Variants in CNTN3 observed in about 807,000 individuals in gnomAD.
CNTN3 encodes the protein contactin-3.
In CNTN3, 60 loss-of-function variants were observed where a neutral mutation model predicts 119.1. That is an observed-to-expected ratio of 0.50 (90% CI 0.41 to 0.62). The LOEUF (loss-of-function observed/expected upper bound fraction) is 0.62. Ranked by LOEUF, CNTN3 falls within the 20% of genes least tolerant of loss-of-function variation. The pLI is 0.00. For missense variants in CNTN3, 1,101 were observed against 1,242.4 expected, an observed-to-expected ratio of 0.89 and a Z score of 1.71; for synonymous variants, 450 against 438.7, an observed-to-expected ratio of 1.03 and a Z score of -0.32.
At chr3:74,320,747 T>G (rs1702967516) in intron 13 of CNTN3, among the ~76,000 whole-genome samples, 1 of 152,180 alleles carries the variant, frequency 6.6e-6, no homozygotes, top group Non-Finnish European at 1.5e-5. Context: ...TTAGAACTCA[T>G]GGTTAGAACT....
intron 1 of CNTN3, among the ~76,000 whole-genome samples, chr3:74,605,620 C>CCTCA (rs1308786336): frequency 1.3e-5 from 2 of 152,094 alleles, no homozygotes; most frequent in African/African-American, 2.4e-5. Flanking sequence ...GGACTGATGG[C>CCTCA]CTCACTCACA....
chr3:74,378,703 G>A (rs1419652236), intron 5 of CNTN3, among the ~76,000 whole-genome samples: 1 of 152,190 alleles, frequency 6.6e-6, no homozygotes, highest in African/African-American at 2.4e-5. Context: ...ATGTAAAAGA[G>A]ACTGCATGGT....
rs574230367 is a variant in CNTN3, at chr3:74,312,767, C to T, written c.1669-9960G>A. Among the ~76,000 whole-genome samples the T allele has an allele frequency of 2.0e-5, 3 of 152,174 alleles. No homozygotes were observed. In the South Asian group the frequency reaches 6.2e-4, roughly 32 times the overall value. ...CTTTTACCCAGTATATCACATCTGC[C>T]TTTCAACAAAAAATTACAAGGCATA... On this transcript the variant is annotated intron_variant, in intron 13 of 22. Coordinates refer to ENST00000263665, the MANE Select transcript of CNTN3 (RefSeq NM_020872.3).
intron 1 of CNTN3, among the ~76,000 whole-genome samples, chr3:74,569,204 A>G (rs1704273142): frequency 6.6e-6 from 1 of 152,140 alleles, no homozygotes; most frequent in Non-Finnish European, 1.5e-5. Flanking sequence ...GACTTCTTGT[A>G]CAGGCCTGCC....
At chr3:74,448,320 G>C (rs903516143) in intron 4 of CNTN3, among the ~76,000 whole-genome samples, 2 of 152,072 alleles carry the variant, frequency 1.3e-5, no homozygotes, top group African/African-American at 4.8e-5. Context: ...GACACTAGGG[G>C]CTTTATCTCA....
At position 74,336,662 on chromosome 3, in the gene CNTN3, A is replaced by C; in HGVS notation, c.1365-4T>G. ...TCCATCGTTTAACAAAGAAATTCTAAAGCAAAGACAAATAAGATAAATAAA... is the reference window on the plus strand; with the variant it reads ...TCCATCGTTTAACAAAGAAATTCTACAGCAAAGACAAATAAGATAAATAAA... On this transcript the variant is annotated splice_polypyrimidine_tract_variant and splice_region_variant and intron_variant, in intron 11 of 22. Coordinates refer to ENST00000263665, the MANE Select transcript of CNTN3 (RefSeq NM_020872.3). 1 of 1,599,072 alleles carries C rather than the reference A, an allele frequency of 6.3e-7. No homozygotes were observed. The highest frequency in any genetic ancestry group is 8.5e-7 in the Non-Finnish European group (1 of 1,170,564).
chr3:74,375,189 T>C (rs1704449542), intron 5 of CNTN3, among the ~76,000 whole-genome samples: 1 of 152,146 alleles, frequency 6.6e-6, no homozygotes, highest in Non-Finnish European at 1.5e-5. Flanking sequence ...TAAAGATCCT[T>C]GACGAACAAC....
At chr3:74,561,450 C>T (rs1053406442) in intron 1 of CNTN3, among the ~76,000 whole-genome samples, 5 of 152,140 alleles carry the variant, frequency 3.3e-5, no homozygotes, top group African/African-American at 1.2e-4. Context: ...CCAGTGGCTG[C>T]CTTTTTGTTC....
chr3:74,443,932 T>C lies in CNTN3; in HGVS notation c.359-18992A>G, dbSNP rs1402985218. Among the ~76,000 whole-genome samples the C allele has an allele frequency of 1.3e-5, 2 of 152,170 alleles. 1 individual carries two copies. Among genetic ancestry groups the C allele is most frequent in the Admixed American group, 1.3e-4 (2 of 15,262 alleles). ...ACAGAAATGTATTGTCTCACAATTC[T>C]GGAGGCTGGAACTCTAAAATCATGG... On this transcript the variant is annotated intron_variant, in intron 4 of 22. Coordinates refer to ENST00000263665, the MANE Select transcript of CNTN3 (RefSeq NM_020872.3).
chr3:74,566,707 G>T (rs1276881559), intron 1 of CNTN3, among the ~76,000 whole-genome samples: 2 of 152,138 alleles, frequency 1.3e-5, no homozygotes, highest in African/African-American at 2.4e-5. Context: ...TCTGCAAAGA[G>T]TCTATTTCCA....
chr3:74,561,030 A>G (rs6771163), intron 1 of CNTN3, among the ~76,000 whole-genome samples: 103,006 of 104,314 alleles, frequency 0.99, 50,858 homozygotes, highest in Middle Eastern at 1. Flanking sequence ...CTGTTGTGGG[A>G]TGGGGGGAGG....
At chr3:74,474,329 CAA>C (rs1406583987) in intron 4 of CNTN3, among the ~76,000 whole-genome samples, 2 of 152,056 alleles carry the variant, frequency 1.3e-5, no homozygotes, top group African/African-American at 4.8e-5. Context: ...CAGAAAAGAC[CAA>C]GTTTATGGGC....
At chr3:74,527,064 G>A (rs1703630901) in intron 1 of CNTN3, among the ~76,000 whole-genome samples, 1 of 151,668 alleles carries the variant, frequency 6.6e-6, no homozygotes, top group Non-Finnish European at 1.5e-5. Context: ...GGAATCATAT[G>A]TATATATGTG....
chr3:74,347,738 T>C (rs764844692), intron 11 of CNTN3, among the ~76,000 whole-genome samples: 1 of 152,210 alleles, frequency 6.6e-6, no homozygotes, highest in Non-Finnish European at 1.5e-5. Context: ...GTGTTCCAGA[T>C]TGCATTTCCA....
intron 11 of CNTN3, 136 bp downstream of exon 11, chr3:74,361,754 C>T: frequency 1.2e-6 from 1 of 840,290 alleles, no homozygotes; most frequent in Non-Finnish European, 1.7e-6. Context: ...AACAAAAATA[C>T]TACTATTTTA....
intron 3 of CNTN3, among the ~76,000 whole-genome samples, chr3:74,496,602 T>C (rs1703068734): frequency 6.7e-6 from 1 of 150,176 alleles, no homozygotes; most frequent in African/African-American, 2.4e-5. Flanking sequence ...TTCTCCTATT[T>C]GTGGTCTTTC....
intron 11 of CNTN3, among the ~76,000 whole-genome samples, chr3:74,352,757 C>T (rs182052984): frequency 6.1e-4 from 93 of 152,226 alleles, no homozygotes; most frequent in Admixed American, 1.5e-3. Context: ...ATGGCATCCA[C>T]ATATGAAATA....
rs140996527 is a variant in CNTN3 at position 74,601,327 on chromosome 3, TAAG to T, written c.-81+13061_-81+13063del. Among the ~76,000 whole-genome samples, 757 of 152,164 alleles carry T rather than the reference TAAG, an allele frequency of 5.0e-3. 5 individuals are homozygous for T. The highest frequency in any genetic ancestry group is 0.017 in the African/African-American group (699 of 41,528). The stretch of plus-strand genomic sequence containing the variant: ...AGTGGCAGACAGAGATTCCATGGAA[TAAG>T]AAGCATACAGATTACTACTAGACAA... On this transcript the variant is annotated intron_variant, in intron 1 of 22. Coordinates refer to ENST00000263665, the MANE Select transcript of CNTN3 (RefSeq NM_020872.3).
At chr3:74,541,448 A>G (rs1366956807) in intron 1 of CNTN3, among the ~76,000 whole-genome samples, 1 of 152,174 alleles carries the variant, frequency 6.6e-6, no homozygotes, top group African/African-American at 2.4e-5. Context: ...CTACCTATTC[A>G]AAACTCAAAA....
Sources: allele counts gnomAD v4.1 joint callset (sites outside exome capture counted in the v4.1 genomes callset), GRCh38; gene constraint gnomAD v4.1.1; transcripts MANE v1.5; gene names NCBI Gene and HGNC (gene_info 2026-07-23, HGNC 2026-07-21).